Variants in PRKAR1A observed in about 807,000 individuals in gnomAD.
PRKAR1A encodes the protein cAMP-dependent protein kinase type I-alpha regulatory subunit.
A neutral mutation model predicts 52.0 loss-of-function variants in PRKAR1A; 3 were observed. That is an observed-to-expected ratio of 0.06 (90% CI 0.03 to 0.15). The LOEUF is 0.15. Ranked by LOEUF, PRKAR1A falls within the 10% of genes least tolerant of loss-of-function variation. The probability of loss-of-function intolerance (pLI) is 1.00; values close to 1 mark genes in which losing one functional copy is unlikely to be tolerated. For missense variants in PRKAR1A, 240 were observed against 477.4 expected, an observed-to-expected ratio of 0.50 and a Z score of 4.63; for synonymous variants, 188 against 168.4, an observed-to-expected ratio of 1.12 and a Z score of -0.90.
At chr17:68,437,546 T>C in the PRKAR1A span, among the ~76,000 whole-genome samples, 1,282 of 151,070 alleles carry the variant, frequency 8.5e-3, 20 homozygotes, top group African/African-American at 0.027. Context: ...AGTGAGGTTC[T>C]GTCTTAAGAA....
chr17:68,414,122 G>T, the PRKAR1A span: 5 of 154,586 alleles, frequency 3.2e-5, no homozygotes, highest in African/African-American at 7.2e-5. Context: ...GTTCCTATTC[G>T]GCTATCTTGG....
chr17:68,473,668 G>A, the PRKAR1A span, among the ~76,000 whole-genome samples: 4 of 152,060 alleles, frequency 2.6e-5, no homozygotes, highest in Non-Finnish European at 5.9e-5. Context: ...GACTACAGGC[G>A]TGCGCCACCA....
chr17:68,532,913 G>A lies in PRKAR1A; in HGVS notation c.*2464G>A. On this transcript the variant is annotated 3_prime_UTR_variant, in exon 11 of 11. Coordinates refer to ENST00000589228, the MANE Select transcript of PRKAR1A (RefSeq NM_002734.5). ...TGAAAGAGCAATGTTTATTTTCAGT[G>A]CTTTTCAGTTTGTCAAAGAGTGGAT... is the stretch of plus-strand genomic sequence containing the variant. 9.4e-7 allele frequency: 1 copy of A among 1,065,986 alleles called. No individual in the cohort carries two copies. Among genetic ancestry groups the A allele is most frequent in the Non-Finnish European group, 1.1e-6 (1 of 879,714 alleles). The allele number at this position is 1,065,986 out of a possible 1,614,324, so 66.0% of individuals were successfully genotyped here. A position where few individuals can be genotyped will look rare whatever the true frequency, so the allele number is the denominator to read the frequency against.
chr17:68,433,345 T>G, the PRKAR1A span: 1 of 926,668 alleles, frequency 1.1e-6, no homozygotes, highest in Non-Finnish European at 1.7e-6. Flanking sequence ...ATCACTTAGG[T>G]GAAGTCCCAA....
intron 1 of PRKAR1A, chr17:68,513,233 TGAAGG>T (rs1568685983): frequency 6.6e-6 from 1 of 152,262 alleles, no homozygotes; most frequent in Admixed American, 6.5e-5. Context: ...CTACGTGAAG[TGAAGG>T]GCATTTTCCT....
chr17:68,530,770 A>T lies in PRKAR1A; in HGVS notation c.*321A>T. On this transcript the variant is annotated 3_prime_UTR_variant, in exon 11 of 11. Transcript: ENST00000589228. ...AGATCCCAGCACCTATTGAATTACCATAGAGTAATGATGTAACAGTGCAAG... is the reference window on the plus strand; with the variant it reads ...AGATCCCAGCACCTATTGAATTACCTTAGAGTAATGATGTAACAGTGCAAG... 7.7e-7 allele frequency: 1 copy of T among 1,303,146 alleles called. No homozygotes were observed. The highest frequency in any genetic ancestry group is 9.8e-7 in the Non-Finnish European group (1 of 1,016,518). The allele number at this position is 1,303,146 out of a possible 1,614,324, so 80.7% of individuals were successfully genotyped here.
intron 11 of PRKAR1A, among the ~76,000 whole-genome samples, chr17:68,544,508 T>C (rs1452383638): frequency 6.6e-6 from 1 of 152,164 alleles, no homozygotes; most frequent in Non-Finnish European, 1.5e-5. Flanking sequence ...AATTTTATAA[T>C]CCACTGTGTG....
intron 11 of PRKAR1A, among the ~76,000 whole-genome samples, chr17:68,546,062 G>A (rs2086542441): frequency 6.6e-6 from 1 of 151,056 alleles, no homozygotes; most frequent in Non-Finnish European, 1.5e-5. Flanking sequence ...CCAGCTACTT[G>A]GGAGGCTGAG....
the PRKAR1A span, among the ~76,000 whole-genome samples, chr17:68,425,382 CTTTTTT>C: frequency 6.0e-5 from 8 of 132,310 alleles, no homozygotes; most frequent in Admixed American, 7.8e-5. Context: ...TTTTTCTTTT[CTTTTTT>C]TTTTTTTTTT....
chr17:68,421,638 G>A, the PRKAR1A span: 2 of 1,291,290 alleles, frequency 1.5e-6, no homozygotes, highest in South Asian at 2.5e-5. Context: ...AGGTCCTGTG[G>A]TTTAAGCAGT....
At chr17:68,473,319 A>T in the PRKAR1A span, among the ~76,000 whole-genome samples, 1 of 152,140 alleles carries the variant, frequency 6.6e-6, no homozygotes, top group Non-Finnish European at 1.5e-5. Context: ...GAGTGGGAGG[A>T]TCAGTTGAGC....
chr17:68,447,849 C>T, the PRKAR1A span, among the ~76,000 whole-genome samples: 60 of 151,708 alleles, frequency 4.0e-4, no homozygotes, highest in Non-Finnish European at 7.5e-4. Context: ...AAACATTAGC[C>T]GGGCGTGGTG....
At chr17:68,466,080 G>A in the PRKAR1A span, among the ~76,000 whole-genome samples, 1 of 152,060 alleles carries the variant, frequency 6.6e-6, no homozygotes, top group Non-Finnish European at 1.5e-5. Flanking sequence ...TGACTTCTGC[G>A]TGCAAATGGG....
At chr17:68,489,200 A>ATATGGAAAG in the PRKAR1A span, among the ~76,000 whole-genome samples, 1 of 46,816 alleles carries the variant, frequency 2.1e-5, no homozygotes, top group African/African-American at 1.1e-4. Context: ...ATATATATAT[A>ATATGGAAAG]TATATATATA....
the PRKAR1A span, among the ~76,000 whole-genome samples, chr17:68,423,482 CAG>C: frequency 6.6e-6 from 1 of 152,214 alleles, no homozygotes; most frequent in Non-Finnish European, 1.5e-5. The surrounding 1 kb of genome is among the most constrained non-coding windows in gnomAD (Gnocchi z 4.4). Context: ...GCCCTGCACA[CAG>C]GGGCTGCTTG....
chr17:68,414,831 A>T, the PRKAR1A span, among the ~76,000 whole-genome samples: 1 of 152,178 alleles, frequency 6.6e-6, no homozygotes, highest in Non-Finnish European at 1.5e-5. Flanking sequence ...AGGTGTTCAT[A>T]GTAGCCTTGA....
In PRKAR1A at chr17:68,529,843, A is replaced by G; in HGVS notation, c.892-77A>G. 7.3e-6 allele frequency: 10 copies of G among 1,361,818 alleles called. No homozygotes were observed. In the South Asian group the frequency reaches 1.2e-4, roughly 16 times the overall value. The allele number at this position is 1,361,818 out of a possible 1,614,324, so 84.4% of individuals were successfully genotyped here. A position where few individuals can be genotyped will look rare whatever the true frequency, so the allele number is the denominator to read the frequency against. ...TGCACACATTTGCAAGGTAGTTAAA[A>G]TTGCATAGGATGTTTAAGGTGCCAC... On this transcript the variant is annotated intron_variant, in intron 9 of 10. Coordinates refer to ENST00000589228, the MANE Select transcript of PRKAR1A (RefSeq NM_002734.5).
chr17:68,499,368 AAG>A, the PRKAR1A span, among the ~76,000 whole-genome samples: 7,429 of 140,224 alleles, frequency 0.053, 311 homozygotes, highest in East Asian at 0.15. Flanking sequence ...AAGGGAGGAA[AAG>A]AGAGAGAGAG....
At chr17:68,456,795 G>A in the PRKAR1A span, among the ~76,000 whole-genome samples, 1 of 152,206 alleles carries the variant, frequency 6.6e-6, no homozygotes, top group Non-Finnish European at 1.5e-5. Flanking sequence ...GCCCTGCGTC[G>A]GGGATGGGAC....
Sources: gnomAD v4.1 joint callset for allele counts (sites outside exome capture counted in the v4.1 genomes callset) on GRCh38, gnomAD v4.1.1 for gene constraint, Gnocchi (gnomAD v3.1) non-coding constraint, MANE v1.5 for transcripts, NCBI Gene and HGNC (gene_info 2026-07-23, HGNC 2026-07-21) for gene names.